Variants in ERI1 observed in about 807,000 individuals in gnomAD.
The protein encoded by ERI1 is exoribonuclease 1.
ERI1 carries 39 observed loss-of-function variants against 39.7 expected under a neutral mutation model. The ratio of observed to expected loss-of-function variants is 0.98; its 90% confidence interval spans 0.76 to 1.28. The LOEUF (loss-of-function observed/expected upper bound fraction) is 1.28. ERI1 is among the 50% of genes most tolerant of loss of function. ERI1 has a pLI of 0.00. For synonymous variants in ERI1, 204 were observed against 149.6 expected (o/e 1.36, Z -2.65); for missense variants, 581 against 416.9 (o/e 1.39, Z -3.43).
chr8:9,050,335 C>G (rs988005449), intron 3 of ERI1, among the ~76,000 whole-genome samples: 1 of 152,018 alleles, frequency 6.6e-6, no homozygotes, highest in Non-Finnish European at 1.5e-5. Context: ...TGGTGAAACC[C>G]CATCTCTACT....
intron 3 of ERI1, among the ~76,000 whole-genome samples, chr8:9,060,224 G>A (rs1798647435): frequency 6.6e-6 from 1 of 152,136 alleles, no homozygotes; most frequent in African/African-American, 2.4e-5. Context: ...CTGTATAGAG[G>A]TGGGAAGGCC....
intron 6 of ERI1, among the ~76,000 whole-genome samples, chr8:9,029,395 C>G (rs1283713012): frequency 6.6e-6 from 1 of 152,122 alleles, no homozygotes; most frequent in African/African-American, 2.4e-5. Context: ...TTGGCATGAT[C>G]TCAGCTCGCT....
At chr8:9,078,964 A>C (rs1308035829) in intron 3 of ERI1, among the ~76,000 whole-genome samples, 1 of 152,178 alleles carries the variant, frequency 6.6e-6, no homozygotes, top group African/African-American at 2.4e-5. Flanking sequence ...AGGATAAAAA[A>C]AATGTAAAGA....
intron 3 of ERI1, among the ~76,000 whole-genome samples, chr8:9,057,040 C>T (rs556398384): frequency 1.3e-5 from 2 of 152,294 alleles, no homozygotes; most frequent in Admixed American, 6.5e-5. Flanking sequence ...AACACGTTGG[C>T]CAGGCTGATC....
At chr8:9,057,900 C>T (rs887152965) in intron 3 of ERI1, among the ~76,000 whole-genome samples, 9 of 152,206 alleles carry the variant, frequency 5.9e-5, no homozygotes, top group African/African-American at 2.2e-4. Context: ...AGTAGGAAAC[C>T]AGGAAGGCCG....
intron 6 of ERI1, among the ~76,000 whole-genome samples, chr8:9,026,899 GT>G (rs759111195): frequency 6.6e-6 from 1 of 151,880 alleles, no homozygotes; most frequent in Admixed American, 6.6e-5. Context: ...GGACATTTAA[GT>G]TACTTCCATG....
chr8:9,055,256 C>T (rs914078566), intron 3 of ERI1, among the ~76,000 whole-genome samples: 1 of 152,118 alleles, frequency 6.6e-6, no homozygotes, highest in East Asian at 1.9e-4. Flanking sequence ...TTTGATTGGC[C>T]AAAACTCAGT....
intron 3 of ERI1, among the ~76,000 whole-genome samples, chr8:9,012,283 T>A (rs546671242): frequency 6.6e-6 from 1 of 152,366 alleles, no homozygotes; most frequent in South Asian, 2.1e-4. Context: ...CATATAACCC[T>A]GGTTTCTAAG....
intron 3 of ERI1, chr8:9,049,979 A>G (rs1364777660): frequency 6.6e-6 from 1 of 152,188 alleles, no homozygotes; most frequent in East Asian, 1.9e-4. Context: ...GATGAGTTCT[A>G]GACCTGAACA....
At chr8:9,008,338 G>C (rs1458868055) in intron 2 of ERI1, among the ~76,000 whole-genome samples, 190 bp downstream of exon 2, 3 of 152,010 alleles carry the variant, frequency 2.0e-5, no homozygotes, top group Non-Finnish European at 4.4e-5. Flanking sequence ...CTAGATGATA[G>C]GACTGCTGAA....
intron 4 of ERI1, among the ~76,000 whole-genome samples, chr8:9,017,290 G>A (rs1482194116): frequency 6.6e-6 from 1 of 151,832 alleles, no homozygotes; most frequent in East Asian, 1.9e-4. Context: ...AGCCCTCCTC[G>A]GTCCCAAAAA....
chr8:9,072,222 G>C (rs979848143), intron 3 of ERI1, among the ~76,000 whole-genome samples: 2 of 152,112 alleles, frequency 1.3e-5, no homozygotes, highest in African/African-American at 4.8e-5. Flanking sequence ...TTACCTCATA[G>C]CCCTGTGAGG....
At chr8:9,079,991 CAA>C (rs35227058) in intron 3 of ERI1, among the ~76,000 whole-genome samples, 21,728 of 114,938 alleles carry the variant, frequency 0.19, 1,605 homozygotes, top group Middle Eastern at 0.26. Flanking sequence ...TTTTTAAAGA[CAA>C]AAAAAAAAAA....
At position 9,032,135 on chromosome 8, in the gene ERI1, A is replaced by T. The variant is rs1419105700; in HGVS notation, c.*2101A>T. The T allele has an allele frequency of 6.6e-6, 1 of 152,192 alleles. No homozygotes were observed. The highest frequency in any genetic ancestry group is 1.5e-5 in the Non-Finnish European group (1 of 68,036). 9.4% of individuals were successfully genotyped at this position (152,192 alleles called of 1,614,324 possible). A position where few individuals can be genotyped will look rare whatever the true frequency, so the allele number is the denominator to read the frequency against. Reference sequence around the variant, plus strand: ...TTTGGGATTTTGCTGATGAGATGATACTAAACATTGAGAGTACTGCTTTTT... The same window carrying T: ...TTTGGGATTTTGCTGATGAGATGATTCTAAACATTGAGAGTACTGCTTTTT... On this transcript the variant is annotated 3_prime_UTR_variant, in exon 7 of 7. Coordinates refer to ENST00000250263, the MANE Select transcript of ERI1 (RefSeq NM_153332.4).
chr8:9,077,169 C>G (rs1010795455), intron 3 of ERI1, among the ~76,000 whole-genome samples: 2 of 152,180 alleles, frequency 1.3e-5, no homozygotes, highest in Non-Finnish European at 2.9e-5. Flanking sequence ...CACTTCTTTT[C>G]CAGCCATATC....
downstream of ERI1, among the ~76,000 whole-genome samples, chr8:9,033,983 G>A (rs560259664): frequency 8.5e-5 from 13 of 152,348 alleles, no homozygotes; most frequent in Admixed American, 7.2e-4. Flanking sequence ...AATGTGACCA[G>A]CTGTAAGGTT....
intron 2 of ERI1, among the ~76,000 whole-genome samples, chr8:9,010,475 A>T (rs1368229162): frequency 1.3e-5 from 2 of 152,246 alleles, no homozygotes; most frequent in African/African-American, 4.8e-5. Context: ...ATTTCATCTT[A>T]AAAAAGCTAA....
chr8:9,080,623 C>T (rs993155916), intron 3 of ERI1, among the ~76,000 whole-genome samples: 1 of 152,208 alleles, frequency 6.6e-6, no homozygotes, highest in African/African-American at 2.4e-5. Context: ...TTCCACCTTG[C>T]TATTGCCTTA....
rs756214848 is a variant in ERI1, at chr8:9,020,334, CTTT to C, written c.693-12_693-10del. ...GCGTTTATTTCATCAATTTTTTGTCCTTTTTTAATTTATAGTTCTTGGGATATG... is the reference window on the plus strand; with the variant it reads ...GCGTTTATTTCATCAATTTTTTGTCCTTTAATTTATAGTTCTTGGGATATG... On this transcript the variant is annotated splice_polypyrimidine_tract_variant and intron_variant, in intron 5 of 6. Transcript: ENST00000250263. 1.9e-5 allele frequency: 28 copies of C among 1,468,738 alleles called. No individual in the cohort carries two copies. The highest frequency in any genetic ancestry group is 1.8e-4 in the Middle Eastern group (1 of 5,610). The allele number at this position is 1,468,738 out of a possible 1,614,324, so 91.0% of individuals were successfully genotyped here. A position where few individuals can be genotyped will look rare whatever the true frequency, so the allele number is the denominator to read the frequency against.
Sources: gnomAD v4.1 joint callset for allele counts (sites outside exome capture counted in the v4.1 genomes callset) on GRCh38, gnomAD v4.1.1 for gene constraint, MANE v1.5 for transcripts, NCBI Gene and HGNC (gene_info 2026-07-23, HGNC 2026-07-21) for gene names.